Variants in MRPS28 observed in about 807,000 individuals in gnomAD.
The protein encoded by MRPS28 is mitochondrial ribosomal protein S28.
A neutral mutation model predicts 10.8 loss-of-function variants in MRPS28; 7 were observed. That is an observed-to-expected ratio of 0.65 (90% CI 0.37 to 1.22). The LOEUF (loss-of-function observed/expected upper bound fraction) is 1.22, where lower values mean the gene tolerates loss of function less well. Ranked by LOEUF, MRPS28 falls within the 50% of genes most tolerant of loss-of-function variation. The probability of loss-of-function intolerance (pLI) is 0.02; values close to 1 mark genes in which losing one functional copy is unlikely to be tolerated. For synonymous variants in MRPS28, 121 were observed against 93.3 expected, an observed-to-expected ratio of 1.30 and a Z score of -1.71; for missense variants, 265 against 232.9, an observed-to-expected ratio of 1.14 and a Z score of -0.90.
chr8:80,025,137 ATT>A (rs1451941727), intron 1 of MRPS28, among the ~76,000 whole-genome samples: 1 of 152,210 alleles, frequency 6.6e-6, no homozygotes, highest in East Asian at 1.9e-4. Context: ...TAAATGTAGT[ATT>A]TTGTTATTTT....
chr8:79,927,079 T>C (rs958993839), intron 2 of MRPS28, among the ~76,000 whole-genome samples: 1 of 152,228 alleles, frequency 6.6e-6, no homozygotes, highest in East Asian at 1.9e-4. Context: ...TTAGACATTA[T>C]GTAGAAGGTC....
chr8:79,956,936 T>C (rs1418919863), intron 2 of MRPS28: 3 of 152,200 alleles, frequency 2.0e-5, no homozygotes, highest in Non-Finnish European at 4.4e-5. Flanking sequence ...TTAACGAATT[T>C]AGTAACGCCT....
intron 2 of MRPS28, among the ~76,000 whole-genome samples, chr8:79,984,866 T>C (rs977440580): frequency 3.3e-5 from 5 of 152,082 alleles, no homozygotes; most frequent in African/African-American, 4.8e-5. Flanking sequence ...GACAGATCAA[T>C]GAGACAGAAA....
chr8:79,951,608 T>C (rs1807082077), intron 2 of MRPS28, among the ~76,000 whole-genome samples: 1 of 152,188 alleles, frequency 6.6e-6, no homozygotes, highest in South Asian at 2.1e-4. Flanking sequence ...GAATCAATCA[T>C]GTGCTCTCAC....
At chr8:79,921,080 G>C (rs189938133) in intron 2 of MRPS28, among the ~76,000 whole-genome samples, 21 of 152,248 alleles carry the variant, frequency 1.4e-4, no homozygotes, top group African/African-American at 4.8e-4. Context: ...TGTCAGGTTT[G>C]TCAAAGATCA....
chr8:80,013,649 A>AAG (rs1455260019), intron 1 of MRPS28, among the ~76,000 whole-genome samples: 12 of 151,028 alleles, frequency 7.9e-5, no homozygotes, highest in African/African-American at 2.7e-4. Flanking sequence ...AAAAAAAAAA[A>AAG]AAAAGAAAAG....
chr8:79,925,880 G>A (rs1332261706), intron 2 of MRPS28, among the ~76,000 whole-genome samples: 3 of 151,914 alleles, frequency 2.0e-5, no homozygotes, highest in Admixed American at 6.6e-5. Context: ...CCAGTTACTT[G>A]GAAGGCTAAG....
At chr8:79,920,739 A>G (rs943910807) in intron 2 of MRPS28, among the ~76,000 whole-genome samples, 5 of 151,932 alleles carry the variant, frequency 3.3e-5, no homozygotes, top group African/African-American at 1.2e-4. Context: ...TCTGTAGGTT[A>G]CCTCTTCACT....
At chr8:79,919,936 A>C (rs1382007259) in intron 2 of MRPS28, among the ~76,000 whole-genome samples, 40 of 51,028 alleles carry the variant, frequency 7.8e-4, no homozygotes, top group Non-Finnish European at 1.3e-3. Flanking sequence ...TCCTAATGCT[A>C]TCCCTCCCCC....
intron 1 of MRPS28, among the ~76,000 whole-genome samples, chr8:80,022,243 A>G (rs1213450828): frequency 4.6e-5 from 7 of 151,602 alleles, no homozygotes; most frequent in Non-Finnish European, 7.4e-5. Flanking sequence ...AATTCCTTTG[A>G]GTCATTCAAA....
At chr8:79,954,122 A>G (rs1807145143) in intron 2 of MRPS28, among the ~76,000 whole-genome samples, 1 of 152,256 alleles carries the variant, frequency 6.6e-6, no homozygotes. Flanking sequence ...ATGCTCCTGT[A>G]TTCTCAGCTA....
intron 2 of MRPS28, among the ~76,000 whole-genome samples, chr8:79,951,116 T>A (rs1439321533): frequency 6.6e-6 from 1 of 152,174 alleles, no homozygotes. Flanking sequence ...GCCCAGTGCT[T>A]GGGTTTATTA....
chr8:79,919,909 T>C lies in MRPS28; in HGVS notation c.396-761A>G, dbSNP rs183199176. Among the ~76,000 whole-genome samples the C allele has an allele frequency of 9.2e-3, 1,400 of 151,476 alleles. 10 individuals carry two copies. Among genetic ancestry groups the C allele is most frequent in the Non-Finnish European group, 0.015 (987 of 67,834 alleles). ...GTGTGCTGCACCCATTAACTCGTCA[T>C]TTACGTTAGGTATATCTCCTAATGC... On this transcript the variant is annotated intron_variant, in intron 2 of 2. Transcript: ENST00000276585.
chr8:79,974,097 T>C (rs935848525), intron 2 of MRPS28, among the ~76,000 whole-genome samples: 1 of 152,094 alleles, frequency 6.6e-6, no homozygotes. Flanking sequence ...TGCCCTTTCT[T>C]TTCAGTGGTA....
At chr8:80,013,446 C>A (rs968003404) in intron 1 of MRPS28, among the ~76,000 whole-genome samples, 1 of 151,728 alleles carries the variant, frequency 6.6e-6, no homozygotes, top group African/African-American at 2.4e-5. Context: ...AACAGCCTGA[C>A]CAACATGGGG....
chr8:79,927,618 C>T (rs1006645716), intron 2 of MRPS28, among the ~76,000 whole-genome samples: 1 of 152,120 alleles, frequency 6.6e-6, no homozygotes, highest in African/African-American at 2.4e-5. Flanking sequence ...TAAGAGGATA[C>T]CAACAACAAT....
chr8:79,982,015 G>A (rs1257135511), intron 2 of MRPS28, among the ~76,000 whole-genome samples: 1 of 152,208 alleles, frequency 6.6e-6, no homozygotes, highest in Non-Finnish European at 1.5e-5. Context: ...GGGGGGCCAA[G>A]GCAGGTGGAT....
At chr8:79,966,797 A>G (rs1439853634) in intron 2 of MRPS28, among the ~76,000 whole-genome samples, 1 of 152,168 alleles carries the variant, frequency 6.6e-6, no homozygotes, top group Non-Finnish European at 1.5e-5. Flanking sequence ...CATGTATGCT[A>G]TGTATAAAAA....
At chr8:79,950,475 G>A (rs1807052628) in intron 2 of MRPS28, among the ~76,000 whole-genome samples, 1 of 152,148 alleles carries the variant, frequency 6.6e-6, no homozygotes, top group African/African-American at 2.4e-5. Context: ...ATAAGCCTTT[G>A]TTGAGAAAGG....
Sources: allele counts gnomAD v4.1 joint callset (sites outside exome capture counted in the v4.1 genomes callset), GRCh38; gene constraint gnomAD v4.1.1; transcripts MANE v1.5; gene names NCBI Gene and HGNC (gene_info 2026-07-23, HGNC 2026-07-21).